Variants in ARB2A observed in about 807,000 individuals in gnomAD.
ARB2A encodes the protein ARB2 cotranscriptional regulator A.
At chr5:93,820,626 A>C in the ARB2A span, among the ~76,000 whole-genome samples, 1 of 152,188 alleles carries the variant, frequency 6.6e-6, no homozygotes, top group Admixed American at 6.5e-5. Context: ...ATTTGTAAGA[A>C]ATTTCAGGCT....
At chr5:93,893,373 C>A in the ARB2A span, among the ~76,000 whole-genome samples, 2 of 152,120 alleles carry the variant, frequency 1.3e-5, no homozygotes, top group Non-Finnish European at 2.9e-5. Context: ...TGCATACACA[C>A]ATACAATTAC....
At chr5:93,819,235 C>T in the ARB2A span, among the ~76,000 whole-genome samples, 1 of 143,510 alleles carries the variant, frequency 7.0e-6, no homozygotes, top group Non-Finnish European at 1.5e-5. Flanking sequence ...AGTCAACTAA[C>T]TGTGCAGATA....
chr5:94,111,579 G>A, the ARB2A span: 2 of 152,344 alleles, frequency 1.3e-5, no homozygotes, highest in Admixed American at 6.5e-5. Context: ...CAGTTCGCCA[G>A]TCGAACTCCC....
chr5:93,921,767 C>T, the ARB2A span, among the ~76,000 whole-genome samples: 4 of 152,114 alleles, frequency 2.6e-5, no homozygotes, highest in Admixed American at 6.6e-5. Flanking sequence ...AAACACCAGC[C>T]GCCTGTTTTT....
the ARB2A span, among the ~76,000 whole-genome samples, chr5:94,069,818 A>T: frequency 6.6e-6 from 1 of 152,158 alleles, no homozygotes; most frequent in Non-Finnish European, 1.5e-5. Context: ...GAGAAAAGGG[A>T]ATTCTTATAC....
chr5:93,763,609 C>A, the ARB2A span, among the ~76,000 whole-genome samples: 1 of 152,204 alleles, frequency 6.6e-6, no homozygotes, highest in East Asian at 1.9e-4. Context: ...GAGACTTTAA[C>A]ACCCCACTGT....
chr5:93,708,659 C>T, the ARB2A span, among the ~76,000 whole-genome samples: 1 of 152,144 alleles, frequency 6.6e-6, no homozygotes, highest in African/African-American at 2.4e-5. Context: ...CCGCTCACCT[C>T]CTGCTGTGTG....
At chr5:94,036,757 A>G in the ARB2A span, among the ~76,000 whole-genome samples, 1 of 152,190 alleles carries the variant, frequency 6.6e-6, no homozygotes, top group Non-Finnish European at 1.5e-5. Context: ...CTATCCAATA[A>G]GACAAGATAT....
At chr5:93,652,487 T>C in the ARB2A span, among the ~76,000 whole-genome samples, 1 of 152,218 alleles carries the variant, frequency 6.6e-6, no homozygotes, top group Non-Finnish European at 1.5e-5. Context: ...TGAAAAATTA[T>C]ATTAGAGAAT....
At chr5:94,069,179 T>C in the ARB2A span, among the ~76,000 whole-genome samples, 339 of 152,276 alleles carry the variant, frequency 2.2e-3, no homozygotes, top group Admixed American at 3.9e-3. Context: ...ACCAAGACTA[T>C]ACACTGGGGA....
At chr5:93,832,941 T>C in the ARB2A span, among the ~76,000 whole-genome samples, 1 of 152,184 alleles carries the variant, frequency 6.6e-6, no homozygotes, top group African/African-American at 2.4e-5. Flanking sequence ...GAAATTGAAC[T>C]AGTTATTTAC....
the ARB2A span, among the ~76,000 whole-genome samples, chr5:93,985,549 G>C: frequency 6.6e-6 from 1 of 152,228 alleles, no homozygotes; most frequent in African/African-American, 2.4e-5. Context: ...TCAGCCTGCC[G>C]AGTGCCTGGG....
At chr5:93,979,003 G>A in the ARB2A span, among the ~76,000 whole-genome samples, 1 of 152,036 alleles carries the variant, frequency 6.6e-6, no homozygotes, top group Non-Finnish European at 1.5e-5. Flanking sequence ...GTAGCTAGAA[G>A]AGAGTACTTA....
At chr5:93,962,515 T>G in the ARB2A span, among the ~76,000 whole-genome samples, 1 of 152,080 alleles carries the variant, frequency 6.6e-6, no homozygotes, top group Non-Finnish European at 1.5e-5. Context: ...TAGTTTCAAC[T>G]ATAAAACTAA....
the ARB2A span, among the ~76,000 whole-genome samples, chr5:93,764,432 T>C: frequency 1.7e-4 from 26 of 152,054 alleles, no homozygotes; most frequent in Non-Finnish European, 2.6e-4. Context: ...TCTATGCAAA[T>C]AAACTAGAAA....
chr5:93,866,442 C>CCA, the ARB2A span, among the ~76,000 whole-genome samples: 4 of 151,772 alleles, frequency 2.6e-5, no homozygotes, highest in South Asian at 2.1e-4. Context: ...ACATATACAC[C>CCA]CACACACACA....
At chr5:93,761,619 C>T in the ARB2A span, among the ~76,000 whole-genome samples, 1 of 152,234 alleles carries the variant, frequency 6.6e-6, no homozygotes, top group Non-Finnish European at 1.5e-5. Context: ...CTGTAGACTC[C>T]ACCTCTGGGG....
the ARB2A span, among the ~76,000 whole-genome samples, chr5:93,864,314 G>A: frequency 1.3e-5 from 2 of 152,088 alleles, no homozygotes; most frequent in African/African-American, 4.8e-5. Context: ...GGTGGAGGAG[G>A]TGAAAGCAAA....
chr5:93,623,836 T>C, the ARB2A span, among the ~76,000 whole-genome samples: 1 of 152,132 alleles, frequency 6.6e-6, no homozygotes, highest in African/African-American at 2.4e-5. Flanking sequence ...AACATGAATA[T>C]GTAATATAAA....
Sources: allele counts gnomAD v4.1 joint callset (sites outside exome capture counted in the v4.1 genomes callset), GRCh38; gene constraint gnomAD v4.1.1; transcripts MANE v1.5; gene names NCBI Gene and HGNC (gene_info 2026-07-23, HGNC 2026-07-21).